ATP9B: variants seen among roughly 807,000 people sequenced by gnomAD.
ATP9B encodes probable phospholipid-transporting ATPase IIB.
ATP9B carries 110 observed loss-of-function variants against 146.1 expected under a neutral mutation model. That is an observed-to-expected ratio of 0.75 (90% CI 0.65 to 0.88). ATP9B has a LOEUF of 0.88. Ranked by LOEUF, ATP9B falls within the 40% of genes least tolerant of loss-of-function variation. The pLI, the probability that ATP9B is intolerant of heterozygous loss-of-function variation, is 0.00. For synonymous variants in ATP9B, 604 were observed against 569.7 expected (o/e 1.06, Z -0.86); for missense variants, 1,499 against 1,496.4 (o/e 1.00, Z -0.03).
At chr18:79,360,446 T>C (rs2096981123) in intron 26 of ATP9B, 1 of 148,182 alleles carries the variant, frequency 6.7e-6, no homozygotes, top group Non-Finnish European at 1.5e-5. Flanking sequence ...CCAACTAGAT[T>C]CTTACCTAGC....
At chr18:79,268,009 T>C (rs1381491087) in intron 12 of ATP9B, among the ~76,000 whole-genome samples, 1 of 152,152 alleles carries the variant, frequency 6.6e-6, no homozygotes, top group Non-Finnish European at 1.5e-5. Context: ...TAGTATTTTA[T>C]GTTTTGTGGC....
At chr18:79,308,424 TGTA>T (rs2096631104) in intron 15 of ATP9B, among the ~76,000 whole-genome samples, 3 of 152,090 alleles carry the variant, frequency 2.0e-5, no homozygotes, top group Admixed American at 2.0e-4. Context: ...AGAAATAAAA[TGTA>T]GTCTGTTCGC....
chr18:79,271,587 C>G (rs1349594462), intron 12 of ATP9B, among the ~76,000 whole-genome samples: 2 of 152,136 alleles, frequency 1.3e-5, no homozygotes, highest in Non-Finnish European at 2.9e-5. Flanking sequence ...TTTATGGCTG[C>G]ATAGTATTCC....
intron 12 of ATP9B, chr18:79,253,816 A>G (rs2096053834): frequency 3.4e-6 from 1 of 290,054 alleles, no homozygotes; most frequent in Non-Finnish European, 6.3e-6. Flanking sequence ...CTGATGAAAC[A>G]TAAACCAGAA....
At chr18:79,329,519 A>T (rs778795737) in intron 16 of ATP9B, among the ~76,000 whole-genome samples, 1 of 152,038 alleles carries the variant, frequency 6.6e-6, no homozygotes, top group Non-Finnish European at 1.5e-5. Context: ...TCCTAAGTCA[A>T]CCTAGCCAGA....
At chr18:79,211,914 TTAAG>T (rs1379448611) in intron 10 of ATP9B, among the ~76,000 whole-genome samples, 1 of 152,224 alleles carries the variant, frequency 6.6e-6, no homozygotes, top group Non-Finnish European at 1.5e-5. Context: ...ATTCTTCTGT[TTAAG>T]TATTTCATTG....
intron 10 of ATP9B, among the ~76,000 whole-genome samples, chr18:79,210,720 C>G (rs2095576818): frequency 6.6e-6 from 1 of 152,182 alleles, no homozygotes. Context: ...CACTGGGGTT[C>G]TGTGGAAATT....
At chr18:79,296,665 A>G (rs866215087) in intron 13 of ATP9B, among the ~76,000 whole-genome samples, 56 of 152,376 alleles carry the variant, frequency 3.7e-4, no homozygotes, top group African/African-American at 1.3e-3. Flanking sequence ...TTCTGTTTAC[A>G]GCAGTCTTCT....
At chr18:79,338,919 C>T (rs1266752009) in intron 19 of ATP9B, among the ~76,000 whole-genome samples, 3 of 152,164 alleles carry the variant, frequency 2.0e-5, no homozygotes, top group African/African-American at 7.2e-5. Flanking sequence ...AAAGCTGTGC[C>T]AACTTCAGTT....
intron 25 of ATP9B, among the ~76,000 whole-genome samples, chr18:79,350,170 C>T (rs116585899): frequency 0.013 from 1,986 of 152,336 alleles, 11 homozygotes; most frequent in African/African-American, 0.024. Context: ...TCGGACTCCA[C>T]GTCCTTCGCC....
intron 2 of ATP9B, among the ~76,000 whole-genome samples, chr18:79,104,869 A>G (rs2146905700): frequency 6.6e-6 from 1 of 152,156 alleles, no homozygotes; most frequent in African/African-American, 2.4e-5. Context: ...ACAGCCTCCC[A>G]AGTAGCTGGG....
At chr18:79,106,258 G>A (rs1189128241) in intron 2 of ATP9B, among the ~76,000 whole-genome samples, 5 of 152,172 alleles carry the variant, frequency 3.3e-5, no homozygotes, top group African/African-American at 1.2e-4. Context: ...CCTAGTTACT[G>A]TCTCCCAAGG....
intron 11 of ATP9B, among the ~76,000 whole-genome samples, chr18:79,215,147 CAAA>C (rs11444921): frequency 4.3e-5 from 5 of 115,752 alleles, no homozygotes; most frequent in Admixed American, 9.1e-5. Context: ...GATTCTGTCT[CAAA>C]AAAAAAAAAA....
intron 7 of ATP9B, among the ~76,000 whole-genome samples, chr18:79,167,091 AGAG>A (rs2094979726): frequency 1.3e-5 from 2 of 152,168 alleles, no homozygotes; most frequent in Non-Finnish European, 2.9e-5. Context: ...AGATCCCCAA[AGAG>A]GATGTCACAG....
At chr18:79,330,882 T>G (rs1337035650) in intron 17 of ATP9B, among the ~76,000 whole-genome samples, 4 of 152,268 alleles carry the variant, frequency 2.6e-5, no homozygotes, top group African/African-American at 9.6e-5. Flanking sequence ...CAAAGTTATA[T>G]TTTAATGTAT....
intron 11 of ATP9B, among the ~76,000 whole-genome samples, chr18:79,248,103 G>A (rs905717154): frequency 6.6e-6 from 1 of 152,168 alleles, no homozygotes; most frequent in East Asian, 1.9e-4. Flanking sequence ...TCACTGAGGC[G>A]ATAAACGATA....
intron 15 of ATP9B, among the ~76,000 whole-genome samples, chr18:79,308,709 G>GC (rs35733440): frequency 4.3e-5 from 6 of 138,178 alleles, no homozygotes; most frequent in African/African-American, 1.7e-4. Flanking sequence ...AAGGTCAGGG[G>GC]TGGTGGAGTG....
At chr18:79,264,536 A>C (rs554658816) in intron 12 of ATP9B, among the ~76,000 whole-genome samples, 2 of 121,672 alleles carry the variant, frequency 1.6e-5, no homozygotes, top group South Asian at 5.3e-4. Context: ...CAAATATATG[A>C]GGTTTTTTTT....
intron 17 of ATP9B, among the ~76,000 whole-genome samples, chr18:79,331,546 G>T (rs886296434): frequency 6.6e-6 from 1 of 151,752 alleles, no homozygotes; most frequent in African/African-American, 2.4e-5. Context: ...TGGATAAATT[G>T]TTGTCCCTTC....
Sources: gnomAD v4.1 joint callset for allele counts (sites outside exome capture counted in the v4.1 genomes callset) on GRCh38, gnomAD v4.1.1 for gene constraint, MANE v1.5 for transcripts, NCBI Gene and HGNC (gene_info 2026-07-23, HGNC 2026-07-21) for gene names.